ACSM1: variants seen among roughly 807,000 people sequenced by gnomAD.
The protein encoded by ACSM1 is acyl-coenzyme A synthetase ACSM1, mitochondrial.
In ACSM1, 79 loss-of-function variants were observed where a neutral mutation model predicts 75.8. The ratio of observed to expected loss-of-function variants is 1.04; its 90% confidence interval spans 0.87 to 1.26. The LOEUF (loss-of-function observed/expected upper bound fraction) is 1.26. Among genes scored for constraint, ACSM1 ranks in the 50% most tolerant of loss-of-function variants. The pLI is 0.00. For synonymous variants in ACSM1, 279 were observed against 265.8 expected (o/e 1.05, Z -0.48); for missense variants, 676 against 720.1 (o/e 0.94, Z 0.70).
intron 5 of ACSM1, among the ~76,000 whole-genome samples, chr16:20,671,140 T>C (rs1306518677): frequency 6.6e-6 from 1 of 152,024 alleles, no homozygotes; most frequent in Non-Finnish European, 1.5e-5. Flanking sequence ...TGAGGCTCTG[T>C]CATCTCAGGT....
intron 7 of ACSM1, among the ~76,000 whole-genome samples, chr16:20,660,951 G>A (rs1194708057): frequency 6.6e-6 from 1 of 152,120 alleles, no homozygotes; most frequent in Admixed American, 6.6e-5. Context: ...CAGGAACATG[G>A]AACAATGGAA....
chr16:20,652,037 T>C (rs2018676493), intron 7 of ACSM1, among the ~76,000 whole-genome samples: 1 of 152,308 alleles, frequency 6.6e-6, no homozygotes, highest in African/African-American at 2.4e-5. Context: ...AACAGCTAAA[T>C]ACTGAATTAT....
At position 20,637,443 on chromosome 16, in the gene ACSM1, A is replaced by G. The variant is rs1309080594; in HGVS notation, c.1125T>C (p.Ile375=). 1 of 1,613,800 alleles carries G rather than the reference A, an allele frequency of 6.2e-7. No homozygotes were observed. The highest frequency in any genetic ancestry group is 8.5e-7 in the Non-Finnish European group (1 of 1,179,930). Residue 375 remains isoleucine (I), a synonymous_variant, in exon 9 of 14, where the codon ATT becomes ATC. Coordinates refer to ENST00000520010, the MANE Select transcript of ACSM1 (RefSeq NM_001318890.3). ...ENYGQSETGL[I]CATYWGMKIK... ...TCTTCATTCCCCAGTAGGTGGCACA[A>G]ATTAGTCCCTGTTCACAAAAGAAAG...
chr16:20,689,086 A>C (rs937853202), intron 2 of ACSM1, among the ~76,000 whole-genome samples: 2 of 150,654 alleles, frequency 1.3e-5, no homozygotes, highest in African/African-American at 4.9e-5. Context: ...TATTGATGAC[A>C]TCAATAACAT....
rs1012350295 is a variant in ACSM1, at chr16:20,623,633, T to C, written c.1648-61A>G. 2.7e-6 allele frequency: 4 copies of C among 1,483,780 alleles called. No homozygotes were observed. In the African/African-American group the frequency reaches 5.5e-5, roughly 21 times the overall value. The allele number at this position is 1,483,780 out of a possible 1,614,324, so 91.9% of individuals were successfully genotyped here. ...TCCTGCTGCCATTTCCTAACAATTC[T>C]CCACTCTCCTCCTCTGCCCCTCCAC... is the stretch of plus-strand genomic sequence containing the variant. On this transcript the variant is annotated intron_variant, in intron 13 of 13. Coordinates refer to ENST00000520010, the MANE Select transcript of ACSM1 (RefSeq NM_001318890.3).
chr16:20,690,855 C>A, intron 2 of ACSM1, 142 bp downstream of exon 2: 2 of 767,376 alleles, frequency 2.6e-6, no homozygotes, highest in Non-Finnish European at 4.0e-6. Flanking sequence ...GGAATAGAAC[C>A]TTGAAATATA....
Position 20,648,262 on chromosome 16 carries a change from C to T in ACSM1, c.993-7678G>A, listed in dbSNP as rs1399439039. Among the ~76,000 whole-genome samples, 1 of 152,214 alleles carries T rather than the reference C, an allele frequency of 6.6e-6. No homozygotes were observed. The highest frequency in any genetic ancestry group is 6.5e-5 in the Admixed American group (1 of 15,274). On this transcript the variant is annotated intron_variant, in intron 7 of 13. Transcript: ENST00000520010. This position sits in a 1 kb window ranked among gnomAD's most constrained non-coding sequence, Gnocchi z 4.2. Reference sequence around the variant, plus strand: ...TCTGAAGGAGTCTTCATGTACCTAACAAGGCCAGCTTTGCTAGCTAATATT... The same window carrying T: ...TCTGAAGGAGTCTTCATGTACCTAATAAGGCCAGCTTTGCTAGCTAATATT...
chr16:20,679,690 ACT>A (rs933939122), intron 4 of ACSM1: 3 of 151,938 alleles, frequency 2.0e-5, no homozygotes, highest in African/African-American at 7.3e-5. Context: ...CATAGTTAAA[ACT>A]CTACTGTACC....
rs777148297 is a variant in ACSM1, at chr16:20,640,484, C to T, written c.1093G>A (p.Glu365Lys). Residue 365 changes from glutamate to lysine, a missense_variant, in exon 8 of 14, where the codon GAG (glutamate) becomes AAG (lysine). Coordinates refer to ENST00000520010, the MANE Select transcript of ACSM1 (RefSeq NM_001318890.3). ...WKRRTGLLLYENYGQSETGLI... is the reference protein window; with the variant it reads ...WKRRTGLLLYKNYGQSETGLI... ...ACCGTTTCCGACTGCCCATAGTTCT[C>T]GTAGAGCAGAAGGCCCGTCCGTCTT... 19 of 1,614,040 alleles carry T rather than the reference C, an allele frequency of 1.2e-5. No homozygotes were observed. The highest frequency in any genetic ancestry group is 8.8e-5 in the South Asian group (8 of 91,082).
At chr16:20,673,027 A>T (rs1257530118) in intron 4 of ACSM1, among the ~76,000 whole-genome samples, 1 of 144,420 alleles carries the variant, frequency 6.9e-6, no homozygotes, top group Non-Finnish European at 1.5e-5. Flanking sequence ...GTCATATATT[A>T]TATACACTTA....
chr16:20,636,098 G>A lies in ACSM1; in HGVS notation c.1299+641C>T, dbSNP rs929836046. Among the ~76,000 whole-genome samples the A allele has an allele frequency of 3.9e-5, 6 of 152,188 alleles. 1 individual carries two copies. The highest frequency in any genetic ancestry group is 4.4e-5 in the Non-Finnish European group (3 of 68,038). ...GACACCAGGACAGCCGCCAATGAAAGTGTCTTTAGAGAAAGGAGATGAAGT... is the reference window on the plus strand; with the variant it reads ...GACACCAGGACAGCCGCCAATGAAAATGTCTTTAGAGAAAGGAGATGAAGT... On this transcript the variant is annotated intron_variant, in intron 10 of 13. Coordinates refer to ENST00000520010, the MANE Select transcript of ACSM1 (RefSeq NM_001318890.3).
At chr16:20,696,293 G>A (rs964765108) in intron 1 of ACSM1, among the ~76,000 whole-genome samples, 29 of 152,064 alleles carry the variant, frequency 1.9e-4, no homozygotes, top group Admixed American at 1.1e-3. Context: ...CTCTATCTCC[G>A]TCTCTGTCTC....
rs372311279 is a variant in ACSM1 at position 20,639,057 on chromosome 16, GTAA to G, written c.1116+1401_1116+1403del. Among the ~76,000 whole-genome samples, 6 of 152,288 alleles carry G rather than the reference GTAA, an allele frequency of 3.9e-5. No homozygotes were observed. The East Asian group carries it at 9.7e-4, about 25-fold the overall frequency. On this transcript the variant is annotated intron_variant, in intron 8 of 13. Transcript: ENST00000520010. ...GCTGAGTATGTGAGTTGGCACTAAAGTAATAATTTTGCACAGGGCCTGGGATAG... is the reference window on the plus strand; with the variant it reads ...GCTGAGTATGTGAGTTGGCACTAAAGTAATTTTGCACAGGGCCTGGGATAG...
chr16:20,688,773 G>T (rs1002043054), intron 2 of ACSM1, among the ~76,000 whole-genome samples: 1 of 151,866 alleles, frequency 6.6e-6, no homozygotes, highest in Non-Finnish European at 1.5e-5. Context: ...GCTAAAGGAA[G>T]TCCTCAAGGT....
chr16:20,664,147 G>GTATTTATTTATTTATT (rs71149169), intron 6 of ACSM1, among the ~76,000 whole-genome samples: 97,678 of 145,324 alleles, frequency 0.67, 33,223 homozygotes, highest in East Asian at 0.79. Context: ...AAATTGAATA[G>GTATTTATTTATTTATT]TATTTATTTA....
intron 10 of ACSM1, among the ~76,000 whole-genome samples, chr16:20,631,421 G>C (rs993581065): frequency 1.1e-4 from 16 of 152,206 alleles, no homozygotes; most frequent in African/African-American, 3.6e-4. Flanking sequence ...CTGCTGGTGG[G>C]AATGTAAATT....
intron 1 of ACSM1, among the ~76,000 whole-genome samples, chr16:20,695,191 C>T (rs560673738): frequency 6.6e-6 from 1 of 152,272 alleles, no homozygotes; most frequent in East Asian, 1.9e-4. Context: ...AACAGCATGG[C>T]CCTAGAGATC....
intron 7 of ACSM1, among the ~76,000 whole-genome samples, chr16:20,641,635 G>C (rs192652763): frequency 1.3e-5 from 2 of 152,148 alleles, no homozygotes; most frequent in Non-Finnish European, 2.9e-5. Flanking sequence ...CCCAGGGCTC[G>C]GGGCCTTCAC....
intron 6 of ACSM1, among the ~76,000 whole-genome samples, chr16:20,665,258 A>G (rs2019507921): frequency 6.6e-6 from 1 of 152,166 alleles, no homozygotes; most frequent in Admixed American, 6.6e-5. Flanking sequence ...TAGCTAGATT[A>G]ACAAAGAAAA....
Sources: allele counts gnomAD v4.1 joint callset (sites outside exome capture counted in the v4.1 genomes callset), GRCh38; gene constraint gnomAD v4.1.1; non-coding constraint Gnocchi (gnomAD v3.1); transcripts MANE v1.5; gene names NCBI Gene and HGNC (gene_info 2026-07-23, HGNC 2026-07-21).